The following LDLRAD2 variants were observed in gnomAD, a reference collection of about 807,000 sequenced individuals.
The protein encoded by LDLRAD2 is low density lipoprotein receptor class A domain containing 2.
In LDLRAD2, 25 loss-of-function variants were observed where a neutral mutation model predicts 24.9. The ratio of observed to expected loss-of-function variants is 1.00; its 90% CI spans 0.73 to 1.40. The LOEUF is 1.40. Among genes scored for constraint, LDLRAD2 ranks in the 40% most tolerant of loss-of-function variants. The pLI is 0.00. For synonymous variants in LDLRAD2, 182 were observed against 166.7 expected, an observed-to-expected ratio of 1.09 and a Z score of -0.71; for missense variants, 391 against 366.2, an observed-to-expected ratio of 1.07 and a Z score of -0.55.
chr1:21,817,262 T>C (rs138992551), intron 3 of LDLRAD2, among the ~76,000 whole-genome samples: 2 of 152,316 alleles, frequency 1.3e-5, no homozygotes, highest in East Asian at 3.9e-4. Flanking sequence ...GTCTCCCTCC[T>C]TCTGTCCTTT....
chr1:21,824,009 C>T lies in LDLRAD2; in HGVS notation c.*1794C>T. ...GGTGGGTTCTCCCCTCCCCTGGCTT[C>T]AAGTTCTGTCTCCACAGAGCTCAAT... On this transcript the variant is annotated 3_prime_UTR_variant, in exon 5 of 5. Transcript: ENST00000344642. The surrounding 1 kb of genome is among the most constrained non-coding windows in gnomAD (Gnocchi z 5.9). 2.7e-6 allele frequency: 3 copies of T among 1,112,150 alleles called. No individual in the cohort carries two copies. In the East Asian group the frequency reaches 7.7e-5, roughly 29 times the overall value. 68.9% of individuals were successfully genotyped at this position (1,112,150 alleles called of 1,614,324 possible).
rs991729225 is a variant in LDLRAD2 at position 21,816,184 on chromosome 1, G to A, written c.643+110G>A. ...ATGGGGAGGCAGGAGAGAGGAAAGC[G>A]GAAGTGTGGAATCGGCTTAGGCCAA... is the stretch of plus-strand genomic sequence containing the variant. On this transcript the variant is annotated intron_variant, in intron 3 of 4. Coordinates refer to ENST00000344642, the MANE Select transcript of LDLRAD2 (RefSeq NM_001013693.3). 10 of 1,426,630 alleles carry A rather than the reference G, an allele frequency of 7.0e-6. No homozygotes were observed. The African/African-American group carries it at 7.1e-5, about 10-fold the overall frequency. The allele number at this position is 1,426,630 out of a possible 1,614,324, so 88.4% of individuals were successfully genotyped here.
chr1:21,814,350 G>A (rs753275759), intron 1 of LDLRAD2, 48 bp from the exon 2 acceptor site: 5 of 1,487,838 alleles, frequency 3.4e-6, no homozygotes, highest in Non-Finnish European at 4.5e-6. Context: ...ACAGAGTAGA[G>A]TTCGGGGTCG....
chr1:21,819,210 C>T (rs1181567044), intron 3 of LDLRAD2, among the ~76,000 whole-genome samples: 1 of 151,844 alleles, frequency 6.6e-6, no homozygotes, highest in East Asian at 1.9e-4. Context: ...CCCATCTGTA[C>T]TAAAAATACA....
intron 3 of LDLRAD2, among the ~76,000 whole-genome samples, chr1:21,819,691 G>C (rs1017274053): frequency 6.6e-6 from 1 of 152,034 alleles, no homozygotes; most frequent in African/African-American, 2.4e-5. Context: ...TGGAGTTTCC[G>C]TTTGGGCAGA....
At position 21,814,555 on chromosome 1, in the gene LDLRAD2, C is replaced by G. The variant is rs1230797586; in HGVS notation, c.243C>G (p.Phe81Leu). The G allele has an allele frequency of 6.2e-7, 1 of 1,612,366 alleles. No homozygotes were observed. The highest frequency in any genetic ancestry group is 1.3e-5 in the African/African-American group (1 of 74,888). ...CCGGCGACCGGATCCGCTTCCAGTT[C>G]CGCTTCTTCCTGGTCTACAGCCTGA... ...AAPGDRIRFQ[F>L]RFFLVYSLTP... The change falls in exon 2 of 5, where the codon TTC becomes TTG. Residue 81 changes from phenylalanine (F) to leucine (L), a missense_variant. Coordinates refer to ENST00000344642, the MANE Select transcript of LDLRAD2 (RefSeq NM_001013693.3).
intron 2 of LDLRAD2, 73 bp from the exon 3 acceptor site, chr1:21,815,870 T>TG: frequency 6.4e-7 from 1 of 1,570,932 alleles, no homozygotes; most frequent in Non-Finnish European, 8.7e-7. Flanking sequence ...ACTGTCACCA[T>TG]GGGGGCCACA....
In LDLRAD2 at chr1:21,821,529, G is replaced by A. The variant is rs765128140; in HGVS notation, c.723G>A (p.Gly241=). ...CCCTGACTCCCTCCCCAGCTCTCGG[G>A]TCTGCAGGATCCCTCTGGATTGCAG... ...SRSLTPSPAL[G]SAGSLWIAAE... Residue 241 remains glycine, a synonymous_variant, in exon 4 of 5, where the codon GGG becomes GGA. Transcript: ENST00000344642. The A allele has an allele frequency of 1.9e-6, 3 of 1,613,990 alleles. No individual in the cohort carries two copies. Among genetic ancestry groups the A allele is most frequent in the East Asian group, 2.2e-5 (1 of 44,892 alleles).
Position 21,813,624 on chromosome 1 carries a change from G to C in LDLRAD2, c.86-774G>C, listed in dbSNP as rs2097940701. Among the ~76,000 whole-genome samples, 4 of 152,298 alleles carry C rather than the reference G, an allele frequency of 2.6e-5. No homozygotes were observed. The South Asian group carries it at 8.3e-4, about 32-fold the overall frequency. On this transcript the variant is annotated intron_variant, in intron 1 of 4. Transcript: ENST00000344642. ...TGTACCAGTGAGGATGTTTTGGGCT[G>C]TAAGTAACAGATAACAAACTAAATG...
intron 3 of LDLRAD2, among the ~76,000 whole-genome samples, chr1:21,816,958 G>T (rs1054971270): frequency 6.6e-6 from 1 of 152,118 alleles, no homozygotes; most frequent in Non-Finnish European, 1.5e-5. Context: ...TCTCTGCGTG[G>T]ATGTATAGGC....
Position 21,814,593 on chromosome 1 carries a change from C to A in LDLRAD2, c.281C>A (p.Pro94Gln). The change falls in exon 2 of 5, where the codon CCG becomes CAG. Residue 94 changes from proline to glutamine, a missense_variant. Coordinates refer to ENST00000344642, the MANE Select transcript of LDLRAD2 (RefSeq NM_001013693.3). ...GTCTACAGCCTGACCCCCGCGCCCC[C>A]GGCGCTCAACACCTCCTCCCCGGCC... ...FLVYSLTPAPPALNTSSPAPA... is the reference protein window; with the variant it reads ...FLVYSLTPAPQALNTSSPAPA... 6.2e-7 allele frequency: 1 copy of A among 1,611,686 alleles called. No homozygotes were observed. Among genetic ancestry groups the A allele is most frequent in the Middle Eastern group, 1.7e-4 (1 of 6,044 alleles).
chr1:21,814,941 G>A, intron 2 of LDLRAD2, 118 bp downstream of exon 2: 3 of 988,526 alleles, frequency 3.0e-6, no homozygotes, highest in Non-Finnish European at 2.7e-6. Context: ...GGTGCCCGAA[G>A]CACAAGATGG....
chr1:21,821,671 G>C (rs6695528), intron 4 of LDLRAD2, 60 bp downstream of exon 4: 11 of 1,594,288 alleles, frequency 6.9e-6, no homozygotes, highest in Non-Finnish European at 9.4e-6. Context: ...TAGGTGATGG[G>C]GACGGGGCAG....
Position 21,812,408 on chromosome 1 carries a change from A to C in LDLRAD2, c.-44A>C. 1 of 1,527,660 alleles carries C rather than the reference A, an allele frequency of 6.5e-7. No homozygotes were observed. 94.6% of individuals were successfully genotyped at this position (1,527,660 alleles called of 1,614,324 possible). ...AGTCTCCCCAGAGACCCCAAGCTGA[A>C]GATTCTGTGGGTCTGCCCCATTGCT... On this transcript the variant is annotated 5_prime_UTR_variant, in exon 1 of 5. Transcript: ENST00000344642.
Position 21,822,217 on chromosome 1 carries a change from G to A in LDLRAD2, c.*2G>A, listed in dbSNP as rs1342732248. 6.2e-6 allele frequency: 10 copies of A among 1,613,940 alleles called. No individual in the cohort carries two copies. Among genetic ancestry groups the A allele is most frequent in the South Asian group, 1.1e-5 (1 of 91,094 alleles). On this transcript the variant is annotated 3_prime_UTR_variant, in exon 5 of 5. Transcript: ENST00000344642. ...CCATCCACAGGCTCCACTGAGTGAA[G>A]CCCTCATCAAAGACTCAGGAGGCCC...
Position 21,823,097 on chromosome 1 carries a change from C to T in LDLRAD2, c.*882C>T. Reference sequence around the variant, plus strand: ...AAGTCCTGGTGACTTTCTGAGGTGCCCACTCCCATCCAACCTGCCTTGCTG... The same window carrying T: ...AAGTCCTGGTGACTTTCTGAGGTGCTCACTCCCATCCAACCTGCCTTGCTG... On this transcript the variant is annotated 3_prime_UTR_variant, in exon 5 of 5. Coordinates refer to ENST00000344642, the MANE Select transcript of LDLRAD2 (RefSeq NM_001013693.3). 1 of 473,200 alleles carries T rather than the reference C, an allele frequency of 2.1e-6. No individual in the cohort carries two copies. Among genetic ancestry groups the T allele is most frequent in the South Asian group, 4.3e-5 (1 of 23,430 alleles). The allele number at this position is 473,200 out of a possible 1,614,324, so 29.3% of individuals were successfully genotyped here.
rs1012617305 is a variant in LDLRAD2, at chr1:21,823,262, C to T, written c.*1047C>T. 13 of 1,385,968 alleles carry T rather than the reference C, an allele frequency of 9.4e-6. No homozygotes were observed. The highest frequency in any genetic ancestry group is 7.5e-5 in the East Asian group (3 of 39,744). 85.9% of individuals were successfully genotyped at this position (1,385,968 alleles called of 1,614,324 possible). On this transcript the variant is annotated 3_prime_UTR_variant, in exon 5 of 5. Coordinates refer to ENST00000344642, the MANE Select transcript of LDLRAD2 (RefSeq NM_001013693.3). The stretch of plus-strand genomic sequence containing the variant: ...ATAATAATATTAATAATAATATACT[C>T]GACATTGTCGGGCTGGGGCGTGGCC...
chr1:21,824,615 G>A lies in LDLRAD2; in HGVS notation c.*2400G>A, dbSNP rs1181429383. 3 of 1,613,962 alleles carry A rather than the reference G, an allele frequency of 1.9e-6. No homozygotes were observed. In the Admixed American group the frequency reaches 5.0e-5, roughly 27 times the overall value. On this transcript the variant is annotated 3_prime_UTR_variant, in exon 5 of 5. Transcript: ENST00000344642. This position sits in a 1 kb window ranked among gnomAD's most constrained non-coding sequence, Gnocchi z 5.9. ...CGATGGTCTCGGGCACCTCGGGCAG[G>A]CTGCGGAGGAAGAGCGGGTGAGGGG...
chr1:21,817,056 C>T (rs531879816), intron 3 of LDLRAD2, among the ~76,000 whole-genome samples: 6 of 152,206 alleles, frequency 3.9e-5, no homozygotes, highest in Non-Finnish European at 8.8e-5. Flanking sequence ...GCAGCGACTT[C>T]ACATTCCAGC....
Sources: allele counts gnomAD v4.1 joint callset (sites outside exome capture counted in the v4.1 genomes callset), GRCh38; gene constraint gnomAD v4.1.1; non-coding constraint Gnocchi (gnomAD v3.1); transcripts MANE v1.5; gene names NCBI Gene and HGNC (gene_info 2026-07-23, HGNC 2026-07-21).